The following ABHD17B variants were observed in gnomAD, a reference collection of about 807,000 sequenced individuals.
ABHD17B encodes the protein abhydrolase domain containing 17B, depalmitoylase, also known as alpha/beta hydrolase domain-containing protein 17B.
ABHD17B carries 9 observed loss-of-function variants against 26.2 expected under a neutral mutation model. The ratio of observed to expected loss-of-function variants is 0.34; its 90% CI spans 0.21 to 0.60. The LOEUF (loss-of-function observed/expected upper bound fraction) is 0.60, where lower values mean the gene tolerates loss of function less well. ABHD17B is among the 20% of genes least tolerant of loss of function. The pLI, the probability that ABHD17B is intolerant of heterozygous loss-of-function variation, is 0.80. For synonymous variants in ABHD17B, 127 were observed against 122.3 expected, an observed-to-expected ratio of 1.04 and a Z score of -0.25; for missense variants, 224 against 352.1, an observed-to-expected ratio of 0.64 and a Z score of 2.91.
intron 1 of ABHD17B, among the ~76,000 whole-genome samples, chr9:71,909,020 CATG>C (rs1827366700): frequency 2.0e-5 from 3 of 152,102 alleles, no homozygotes; most frequent in Admixed American, 2.0e-4. Context: ...ATTATTTTTT[CATG>C]ATGTTTTTTG....
chr9:71,876,489 C>T (rs1223531932), intron 1 of ABHD17B, among the ~76,000 whole-genome samples: 1 of 152,094 alleles, frequency 6.6e-6, no homozygotes, highest in Non-Finnish European at 1.5e-5. Flanking sequence ...TTCCTTCTAT[C>T]TTGTCCTTTT....
chr9:71,870,256 G>C lies in ABHD17B; in HGVS notation c.474C>G (p.Gly158=), dbSNP rs1348264035. The C allele has an allele frequency of 6.3e-7, 1 of 1,586,718 alleles. No individual in the cohort carries two copies. The highest frequency in any genetic ancestry group is 1.9e-5 in the Admixed American group (1 of 53,420). Residue 158 remains glycine, a synonymous_variant, in exon 3 of 4, where the codon GGC becomes GGG. Transcript: ENST00000333421. ...ATATAATCACATTTTCAGGGCGAAT[G>C]CCATATCTACAAAGTTCAGGCGTTA... ...AAWLALRTRY[G]IRPENVIIYG... is the part of the protein sequence containing the mutation.
At chr9:71,876,357 G>T (rs1194806077) in intron 1 of ABHD17B, among the ~76,000 whole-genome samples, 1 of 152,164 alleles carries the variant, frequency 6.6e-6, no homozygotes, top group Non-Finnish European at 1.5e-5. Flanking sequence ...ACCTGGTTGT[G>T]AATATCAAAT....
In ABHD17B at chr9:71,874,624, G is replaced by C. The variant is rs1826206899; in HGVS notation, c.457C>G (p.Leu153Val). ...YADIEAAWLA[L>V]RTRYGIRPEN... is the part of the protein sequence containing the mutation. ...CCAACCACAATTTACCTTGTCCTAAGAGCAAGCCAAGCAGCTTCAATGTCT... is the reference window on the plus strand; with the variant it reads ...CCAACCACAATTTACCTTGTCCTAACAGCAAGCCAAGCAGCTTCAATGTCT... The change falls in exon 2 of 4, where the codon CTT becomes GTT. Residue 153 changes from leucine (L) to valine (V), a missense_variant. By Grantham distance (32) the Leu-to-Val change is conservative. Coordinates refer to ENST00000333421, the MANE Select transcript of ABHD17B (RefSeq NM_001025780.3). 1 of 1,577,350 alleles carries C rather than the reference G, an allele frequency of 6.3e-7. No individual in the cohort carries two copies. The highest frequency in any genetic ancestry group is 8.6e-7 in the Non-Finnish European group (1 of 1,161,634).
intron 1 of ABHD17B, chr9:71,902,316 A>C (rs962377917): frequency 2.0e-5 from 3 of 152,172 alleles, no homozygotes; most frequent in Non-Finnish European, 4.4e-5. Context: ...TTTTTATAGA[A>C]TCTAATGAAA....
rs938422769 is a variant in ABHD17B at position 71,866,697 on chromosome 9, T to A, written c.*90A>T. On this transcript the variant is annotated 3_prime_UTR_variant, in exon 4 of 4. Coordinates refer to ENST00000333421, the MANE Select transcript of ABHD17B (RefSeq NM_001025780.3). ...CATTTATGAAGGCAACTGACATGAT[T>A]TGCAAACAAAACCTTCAGGTTTTAT... The A allele has an allele frequency of 5.9e-6, 9 of 1,528,732 alleles. No individual in the cohort carries two copies. Among genetic ancestry groups the A allele is most frequent in the Non-Finnish European group, 7.9e-6 (9 of 1,138,966 alleles). The allele number at this position is 1,528,732 out of a possible 1,614,324, so 94.7% of individuals were successfully genotyped here. A position where few individuals can be genotyped will look rare whatever the true frequency, so the allele number is the denominator to read the frequency against.
intron 1 of ABHD17B, among the ~76,000 whole-genome samples, chr9:71,884,142 G>C (rs1204459248): frequency 6.6e-6 from 1 of 152,018 alleles, no homozygotes; most frequent in Non-Finnish European, 1.5e-5. Context: ...AACTATCAGA[G>C]AAATCAAAAA....
At chr9:71,902,875 A>G (rs564877516) in intron 1 of ABHD17B, among the ~76,000 whole-genome samples, 1 of 152,186 alleles carries the variant, frequency 6.6e-6, no homozygotes, top group East Asian at 1.9e-4. Flanking sequence ...TTAAAAAAAC[A>G]TCTAAATTCA....
intron 1 of ABHD17B, among the ~76,000 whole-genome samples, chr9:71,903,702 A>G (rs1827207264): frequency 6.6e-6 from 1 of 152,238 alleles, no homozygotes; most frequent in Non-Finnish European, 1.5e-5. Flanking sequence ...ACTGTATGTT[A>G]ACAAAATAGA....
chr9:71,887,831 A>T (rs1332893895), intron 1 of ABHD17B, among the ~76,000 whole-genome samples: 1 of 152,232 alleles, frequency 6.6e-6, no homozygotes, highest in Non-Finnish European at 1.5e-5. Context: ...GAGATTGCCT[A>T]CACAAGACTA....
chr9:71,885,256 C>G (rs761034377), intron 1 of ABHD17B, among the ~76,000 whole-genome samples: 2 of 151,724 alleles, frequency 1.3e-5, no homozygotes, highest in Non-Finnish European at 2.9e-5. Flanking sequence ...ACCAGCCTGG[C>G]CAACATGGTG....
intron 1 of ABHD17B, among the ~76,000 whole-genome samples, chr9:71,895,202 T>C (rs757940141): frequency 3.3e-5 from 5 of 152,186 alleles, no homozygotes; most frequent in Admixed American, 1.3e-4. Context: ...TCCTATGAGA[T>C]AGATATTATT....
intron 3 of ABHD17B, among the ~76,000 whole-genome samples, chr9:71,869,634 T>A (rs1321463398): frequency 6.6e-6 from 1 of 152,170 alleles, no homozygotes; most frequent in East Asian, 1.9e-4. Context: ...AAGTTAGGTA[T>A]CATTAATCAG....
intron 1 of ABHD17B, among the ~76,000 whole-genome samples, chr9:71,884,130 C>T (rs1015539228): frequency 6.6e-6 from 1 of 151,976 alleles, no homozygotes; most frequent in African/African-American, 2.4e-5. Context: ...CTCAACCTCA[C>T]CAACTATCAG....
chr9:71,875,028 C>A lies in ABHD17B; in HGVS notation c.53G>T (p.Cys18Phe). Reference protein sequence around the residue: ...ELCCLFCCPPCPGKIASKLAF... With the variant: ...ELCCLFCCPPFPGKIASKLAF... ...TAATTTTGAAGCAATCTTCCCTGGA[C>A]AAGGTGGACAGCAGAAGAGGCAACA... The change falls in exon 2 of 4, where the codon TGT becomes TTT. Residue 18 changes from cysteine to phenylalanine, a missense_variant. Coordinates refer to ENST00000333421, the MANE Select transcript of ABHD17B (RefSeq NM_001025780.3). The A allele has an allele frequency of 6.2e-7, 1 of 1,613,774 alleles. No individual in the cohort carries two copies. The highest frequency in any genetic ancestry group is 8.5e-7 in the Non-Finnish European group (1 of 1,179,906).
At chr9:71,881,670 G>A (rs956479193) in intron 1 of ABHD17B, among the ~76,000 whole-genome samples, 4 of 152,150 alleles carry the variant, frequency 2.6e-5, no homozygotes, top group African/African-American at 9.7e-5. Flanking sequence ...GACGGATCAT[G>A]AGGTCAGGAG....
At chr9:71,889,705 CT>C (rs1440073986) in intron 1 of ABHD17B, among the ~76,000 whole-genome samples, 1 of 152,036 alleles carries the variant, frequency 6.6e-6, no homozygotes, top group Non-Finnish European at 1.5e-5. Flanking sequence ...CTAAATGCCC[CT>C]GGGAATTTGT....
At chr9:71,879,277 G>A (rs1826370787) in intron 1 of ABHD17B, among the ~76,000 whole-genome samples, 2 of 152,136 alleles carry the variant, frequency 1.3e-5, no homozygotes, top group Admixed American at 6.5e-5. Context: ...TGAGCAATGG[G>A]AGCAAGGAGG....
Position 71,870,250 on chromosome 9 carries a change from G to C in ABHD17B, c.480C>G (p.Arg160=), listed in dbSNP as rs144553545. 12 of 1,587,434 alleles carry C rather than the reference G, an allele frequency of 7.6e-6. No homozygotes were observed. Among genetic ancestry groups the C allele is most frequent in the Middle Eastern group, 1.7e-4 (1 of 5,942 alleles). ...GGCCATATATAATCACATTTTCAGG[G>C]CGAATGCCATATCTACAAAGTTCAG... The part of the protein sequence containing the change: ...WLALRTRYGI[R]PENVIIYGQS... The change falls in exon 3 of 4, where the codon CGC becomes CGG. Residue 160 remains arginine, a synonymous_variant. Coordinates refer to ENST00000333421, the MANE Select transcript of ABHD17B (RefSeq NM_001025780.3).
Sources: allele counts gnomAD v4.1 joint callset (sites outside exome capture counted in the v4.1 genomes callset), GRCh38; gene constraint gnomAD v4.1.1; transcripts MANE v1.5; gene names NCBI Gene and HGNC (gene_info 2026-07-23, HGNC 2026-07-21).